The following CCL26 variants were observed in gnomAD, a reference collection of about 807,000 sequenced individuals.
The protein encoded by CCL26 is C-C motif chemokine 26.
Under a neutral mutation model 10.7 loss-of-function variants are expected in CCL26, and 10 were observed. The ratio of observed to expected loss-of-function variants is 0.93; its 90% CI spans 0.57 to 1.58. CCL26 has a LOEUF of 1.58. Among genes scored for constraint, CCL26 ranks in the 40% most tolerant of loss-of-function variants. CCL26 has a pLI of 0.00. For missense variants in CCL26, 116 were observed against 111.0 expected (o/e 1.05, Z -0.20); for synonymous variants, 43 against 41.4 (o/e 1.04, Z -0.15).
upstream of CCL26, among the ~76,000 whole-genome samples, chr7:75,790,263 A>C (rs1233550164): frequency 1.4e-4 from 15 of 109,310 alleles, no homozygotes; most frequent in African/African-American, 1.4e-4. Flanking sequence ...CCCTCCCTCC[A>C]TACCTCTTTC....
chr7:75,772,369 A>G (rs1279205800), upstream of CCL26: 5 of 580,996 alleles, frequency 8.6e-6, no homozygotes, highest in Non-Finnish European at 1.2e-5. Context: ...AAGAAAGATA[A>G]TCTGGCACTG....
At chr7:75,779,269 A>G (rs1803008795) in intron 1 of CCL26, among the ~76,000 whole-genome samples, 1 of 152,118 alleles carries the variant, frequency 6.6e-6, no homozygotes, top group Non-Finnish European at 1.5e-5. Context: ...TTGCTCACAC[A>G]AATCCTGTTT....
At chr7:75,784,334 CT>C (rs1803133898) in intron 1 of CCL26, among the ~76,000 whole-genome samples, 1 of 152,210 alleles carries the variant, frequency 6.6e-6, no homozygotes. Context: ...CCCAGAGCCC[CT>C]GGAACTCTGG....
At chr7:75,776,360 C>T (rs2115656525), upstream of CCL26, among the ~76,000 whole-genome samples, 1 of 151,748 alleles carries the variant, frequency 6.6e-6, no homozygotes, top group African/African-American at 2.4e-5. Flanking sequence ...TGTGAGCCAC[C>T]ACACCCAGCC....
At chr7:75,775,854 T>A (rs1353280401), upstream of CCL26, among the ~76,000 whole-genome samples, 1 of 151,748 alleles carries the variant, frequency 6.6e-6, no homozygotes, top group African/African-American at 2.4e-5. Flanking sequence ...TTTTTTTTTC[T>A]TTGAGACTGA....
chr7:75,777,416 C>T (rs1389251359), intron 1 of CCL26, among the ~76,000 whole-genome samples: 1 of 152,010 alleles, frequency 6.6e-6, no homozygotes, highest in Non-Finnish European at 1.5e-5. Context: ...GAATGAACTA[C>T]AGTTACTTGC....
chr7:75,781,132 C>T (rs1456585872), intron 1 of CCL26, among the ~76,000 whole-genome samples: 3 of 152,146 alleles, frequency 2.0e-5, no homozygotes, highest in Admixed American at 6.6e-5. Flanking sequence ...GTCAGAAGGC[C>T]GTCTTATTCT....
Position 75,787,651 on chromosome 7 carries a change from C to CAAAAAAAAAAAAAAAAAAAAAAA in CCL26, c.-79+2043_-79+2065dup, listed in dbSNP as rs55770109. On this transcript the variant is annotated intron_variant, in intron 1 of 3. Coordinates refer to the CCL26 transcript ENST00000394905. ...CAGAGTGAGACTCCGTCTCCAAAAG[C>CAAAAAAAAAAAAAAAAAAAAAAA]AAAAAAAAAAAAAAAAAAAAAAAGA... Among the ~76,000 whole-genome samples, 10 of 27,748 alleles carry CAAAAAAAAAAAAAAAAAAAAAAA rather than the reference C, an allele frequency of 3.6e-4. 1 individual carries two copies. The highest frequency in any genetic ancestry group is 6.6e-4 in the Admixed American group (1 of 1,512). The allele number at this position is 27,748 out of a possible 152,430, so 18.2% of individuals were successfully genotyped here.
At chr7:75,772,250 C>T (rs1393853031), upstream of CCL26, 31 of 1,101,250 alleles carry the variant, frequency 2.8e-5, 1 homozygote, top group South Asian at 2.8e-4. Context: ...GAGACTGAGA[C>T]GGCCCTGAAA....
chr7:75,789,001 G>A (rs1271143192), intron 1 of CCL26, among the ~76,000 whole-genome samples: 2 of 151,836 alleles, frequency 1.3e-5, no homozygotes, highest in African/African-American at 2.4e-5. Flanking sequence ...GCTCACTGCA[G>A]CCTCAACTTT....
intron 1 of CCL26, among the ~76,000 whole-genome samples, chr7:75,781,720 T>C (rs529428767): frequency 6.6e-6 from 1 of 152,200 alleles, no homozygotes; most frequent in Non-Finnish European, 1.5e-5. Context: ...GCTCCCCCAC[T>C]GAGCATCTTG....
chr7:75,777,737 A>AAAAAAAAAAAAAAAC (rs1802972853), intron 1 of CCL26, among the ~76,000 whole-genome samples: 1 of 150,754 alleles, frequency 6.6e-6, no homozygotes, highest in African/African-American at 2.4e-5. Flanking sequence ...AAAAAAAAAA[A>AAAAAAAAAAAAAAAC]AAAAAGCAGC....
At chr7:75,789,997 T>TCACC (rs139641999), upstream of CCL26, 1 of 112,302 alleles carries the variant, frequency 8.9e-6, no homozygotes. Flanking sequence ...GTCTTACGGT[T>TCACC]CTCCCTCCCT....
upstream of CCL26, among the ~76,000 whole-genome samples, chr7:75,790,200 TTTC>T (rs1803300327): frequency 9.3e-6 from 1 of 107,028 alleles, no homozygotes. Flanking sequence ...TCTTTCTTTC[TTTC>T]TTTCTTTCTT....
intron 1 of CCL26, among the ~76,000 whole-genome samples, chr7:75,778,851 G>GGGGC (rs1563337674): frequency 6.6e-6 from 1 of 152,038 alleles, no homozygotes; most frequent in Non-Finnish European, 1.5e-5. Context: ...GCCAAGGTGG[G>GGGGC]GGGGGCAGAT....
intron 1 of CCL26, among the ~76,000 whole-genome samples, chr7:75,781,832 T>C (rs1282906153): frequency 6.6e-6 from 1 of 152,034 alleles, no homozygotes; most frequent in Non-Finnish European, 1.5e-5. Context: ...CTCCCTTCAC[T>C]GACTCCTTTT....
chr7:75,779,103 CT>C (rs1803004876), intron 1 of CCL26, among the ~76,000 whole-genome samples: 1 of 152,122 alleles, frequency 6.6e-6, no homozygotes, highest in Non-Finnish European at 1.5e-5. Flanking sequence ...CACTGAGCAC[CT>C]TGTGTCCCCC....
At chr7:75,790,199 C>CTT (rs1803300172), upstream of CCL26, among the ~76,000 whole-genome samples, 1 of 104,038 alleles carries the variant, frequency 9.6e-6, no homozygotes, top group Non-Finnish European at 2.0e-5. Context: ...TTCTTTCTTT[C>CTT]TTTCTTTCTT....
chr7:75,774,663 C>T (rs1048959809), upstream of CCL26, among the ~76,000 whole-genome samples: 2 of 152,058 alleles, frequency 1.3e-5, no homozygotes, highest in Non-Finnish European at 1.5e-5. Flanking sequence ...CCAGGCTGGT[C>T]TCGAATTCCT....
Sources: gnomAD v4.1 joint callset for allele counts (sites outside exome capture counted in the v4.1 genomes callset) on GRCh38, gnomAD v4.1.1 for gene constraint, MANE v1.5 for transcripts, NCBI Gene and HGNC (gene_info 2026-07-23, HGNC 2026-07-21) for gene names.